Variants in NLRP12 observed in about 807,000 individuals in gnomAD.
NLRP12 encodes NLR family pyrin domain containing 12.
Under a neutral mutation model 91.2 loss-of-function variants are expected in NLRP12, and 108 were observed. The ratio of observed to expected loss-of-function variants is 1.18; its 90% CI spans 1.01 to 1.39. The LOEUF (loss-of-function observed/expected upper bound fraction) is 1.39, where lower values mean the gene tolerates loss of function less well. Ranked by LOEUF, NLRP12 falls within the 40% of genes most tolerant of loss-of-function variation. NLRP12 has a pLI of 0.00. For synonymous variants in NLRP12, 613 were observed against 566.7 expected, an observed-to-expected ratio of 1.08 and a Z score of -1.16; for missense variants, 1,530 against 1,352.7, an observed-to-expected ratio of 1.13 and a Z score of -2.06.
chr19:53,795,334 C>T (rs1453692484), intron 9 of NLRP12, among the ~76,000 whole-genome samples: 2 of 151,766 alleles, frequency 1.3e-5, no homozygotes, highest in Non-Finnish European at 2.9e-5. Flanking sequence ...CAGTGACCTC[C>T]AATGCAATTG....
intron 3 of NLRP12, 121 bp from the exon 4 acceptor site, chr19:53,807,786 T>C (rs1482344497): frequency 1.7e-6 from 2 of 1,205,456 alleles, no homozygotes; most frequent in East Asian, 2.5e-5. Flanking sequence ...GTTTCGCTCT[T>C]GTTGCCCAGG....
chr19:53,793,915 C>T lies in NLRP12; in HGVS notation c.*134G>A. On this transcript the variant is annotated 3_prime_UTR_variant, in exon 10 of 10. Coordinates refer to ENST00000324134, the MANE Select transcript of NLRP12 (RefSeq NM_144687.4). ...TGTCAAACATTAATTTGATCCCAAG[C>T]AGAGGGACTTTTGATCTCAATCTGC... 1.3e-6 allele frequency: 1 copy of T among 752,250 alleles called. No homozygotes were observed. 46.6% of individuals were successfully genotyped at this position (752,250 alleles called of 1,614,324 possible).
chr19:53,797,052 G>T (rs1191324719), intron 8 of NLRP12, among the ~76,000 whole-genome samples: 1 of 151,984 alleles, frequency 6.6e-6, no homozygotes, highest in Non-Finnish European at 1.5e-5. Context: ...TCAGATTAGG[G>T]CTACAGCTGG....
chr19:53,808,503 G>A (rs1372954331), intron 3 of NLRP12: 5 of 151,834 alleles, frequency 3.3e-5, no homozygotes, highest in African/African-American at 9.7e-5. Flanking sequence ...GAGGCCGAGA[G>A]TTTGAGACCA....
chr19:53,813,812 T>TG (rs2092117327), intron 2 of NLRP12, among the ~76,000 whole-genome samples: 2 of 151,930 alleles, frequency 1.3e-5, no homozygotes, highest in South Asian at 4.2e-4. Flanking sequence ...CTCAGCCTCC[T>TG]GAGTAGCTGG....
intron 1 of NLRP12, among the ~76,000 whole-genome samples, chr19:53,815,756 G>A (rs1479645885): frequency 6.6e-6 from 1 of 151,772 alleles, no homozygotes; most frequent in Non-Finnish European, 1.5e-5. Context: ...CTACAGGCAT[G>A]TGTCACCACG....
chr19:53,795,770 T>A, intron 9 of NLRP12, 89 bp downstream of exon 9: 5 of 1,158,784 alleles, frequency 4.3e-6, no homozygotes, highest in Non-Finnish European at 5.1e-6. Flanking sequence ...CACCAGTGCA[T>A]AACGTATTTG....
chr19:53,823,100 C>CATATACACACACATATATATACACAT (rs2092282621), intron 1 of NLRP12, among the ~76,000 whole-genome samples: 1 of 4,714 alleles, frequency 2.1e-4, no homozygotes, highest in Non-Finnish European at 9.5e-4. Flanking sequence ...TACACACACA[C>CATATACACACACATATATATACACAT]ATATACACAC....
Position 53,804,032 on chromosome 19 carries a change from T to G in NLRP12, c.2505A>C (p.Thr835=). The change falls in exon 6 of 10, where the codon ACA becomes ACC. Residue 835 remains threonine (T), a synonymous_variant. Transcript: ENST00000324134. ...GGCCCAAATCCTCCAGTGCATTTCC[T>G]GTCAGGTCCAACTCAACCAGATGTG... is the stretch of plus-strand genomic sequence containing the variant. The part of the protein sequence containing the change: ...TNPHLVELDL[T]GNALEDLGLR... 17 of 1,614,134 alleles carry G rather than the reference T, an allele frequency of 1.1e-5. No homozygotes were observed. The highest frequency in any genetic ancestry group is 1.4e-5 in the Non-Finnish European group (17 of 1,180,014).
rs1389462254 is a variant in NLRP12, at chr19:53,804,119, C to T, written c.2418G>A (p.Leu806=). 3.1e-6 allele frequency: 5 copies of T among 1,613,912 alleles called. No individual in the cohort carries two copies. The highest frequency in any genetic ancestry group is 2.2e-5 in the East Asian group (1 of 44,872). The stretch of plus-strand genomic sequence containing the variant: ...CCCCGGACTCCAGCTGACACTTCCT[C>T]AACCTTGGGAGGAAGGAGAGGTTGA... ...HPQCRLQMIQ[L]RKCQLESGAC... is the part of the protein sequence containing the mutation. The change falls in exon 6 of 10, where the codon TTG becomes TTA. Residue 806 remains leucine, a synonymous_variant. Coordinates refer to ENST00000324134, the MANE Select transcript of NLRP12 (RefSeq NM_144687.4).
chr19:53,804,953 G>A (rs1016452437), intron 5 of NLRP12, among the ~76,000 whole-genome samples: 8 of 151,972 alleles, frequency 5.3e-5, no homozygotes, highest in Non-Finnish European at 7.4e-5. Context: ...TCACTTGAAC[G>A]CAGGAAGTGG....
chr19:53,803,030 T>C (rs1447769259), intron 6 of NLRP12, among the ~76,000 whole-genome samples: 2 of 152,126 alleles, frequency 1.3e-5, no homozygotes, highest in Non-Finnish European at 2.9e-5. Context: ...ATTACAGCTG[T>C]GAGCCACCGC....
chr19:53,794,862 C>T (rs1320705039), intron 9 of NLRP12, among the ~76,000 whole-genome samples: 1 of 151,706 alleles, frequency 6.6e-6, no homozygotes, highest in African/African-American at 2.4e-5. Context: ...CGCTCCCAGC[C>T]GTAAGTTTTT....
At position 53,809,780 on chromosome 19, in the gene NLRP12, G is replaced by C; in HGVS notation, c.1879C>G (p.Gln627Glu). 6.2e-7 allele frequency: 1 copy of C among 1,614,110 alleles called. No homozygotes were observed. Among genetic ancestry groups the C allele is most frequent in the African/African-American group, 1.3e-5 (1 of 75,046 alleles). Residue 627 changes from glutamine (Q) to glutamate (E), a missense_variant, in exon 3 of 10, where the codon CAG (glutamine) becomes GAG (glutamate). Coordinates refer to ENST00000324134, the MANE Select transcript of NLRP12 (RefSeq NM_144687.4). ...LYEIQEEEFI[Q>E]QALSHFQVIV... The stretch of plus-strand genomic sequence containing the variant: ...ACCTGGAAGTGGCTCAGGGCCTGCT[G>C]GATAAACTCCTCCTCCTGGATCTCG...
chr19:53,805,187 A>C (rs2091937615), intron 5 of NLRP12, 93 bp downstream of exon 5: 1 of 1,338,864 alleles, frequency 7.5e-7, no homozygotes, highest in Non-Finnish European at 1.1e-6. Flanking sequence ...CCTGATTTAA[A>C]GGTGGAGATT....
At chr19:53,808,851 G>A (rs889163) in intron 3 of NLRP12, 122,692 of 151,984 alleles carry the variant, frequency 0.81, 49,552 homozygotes, top group Admixed American at 0.84. Flanking sequence ...CAGCATTCCC[G>A]GCCTTTATCC....
Position 53,810,644 on chromosome 19 carries a change from G to A in NLRP12, c.1015C>T (p.Leu339Phe), listed in dbSNP as rs761841518. 3.7e-6 allele frequency: 6 copies of A among 1,614,058 alleles called. No homozygotes were observed. Among genetic ancestry groups the A allele is most frequent in the Non-Finnish European group, 5.1e-6 (6 of 1,180,016 alleles). Residue 339 changes from leucine (L) to phenylalanine (F), a missense_variant, in exon 3 of 10, where the codon CTC (leucine) becomes TTC (phenylalanine). Transcript: ENST00000324134. ...RKKLLPELSLLITTRPTALEK... is the reference protein window; with the variant it reads ...RKKLLPELSLFITTRPTALEK... ...AAAGCCGTGGGCCGTGTGGTGATGAGCAAAGATAGCTCAGGGAGCAGCTTC... is the reference window on the plus strand; with the variant it reads ...AAAGCCGTGGGCCGTGTGGTGATGAACAAAGATAGCTCAGGGAGCAGCTTC...
chr19:53,811,407 A>T, intron 2 of NLRP12, 119 bp from the exon 3 acceptor site: 1 of 1,163,726 alleles, frequency 8.6e-7, no homozygotes, highest in Non-Finnish European at 1.3e-6. Context: ...CCAGCTACTC[A>T]GGAGGCTGAG....
chr19:53,819,437 ATATATATATATATATATATATGTGTGTG>A (rs1378909724), intron 1 of NLRP12, among the ~76,000 whole-genome samples: 1 of 22,930 alleles, frequency 4.4e-5, no homozygotes, highest in African/African-American at 1.4e-4. Flanking sequence ...ATATATATAT[ATATATATATATATATATATATGTGTGTG>A]TGTGTGTGTG....
Sources: gnomAD v4.1 joint callset for allele counts (sites outside exome capture counted in the v4.1 genomes callset) on GRCh38, gnomAD v4.1.1 for gene constraint, MANE v1.5 for transcripts, NCBI Gene and HGNC (gene_info 2026-07-23, HGNC 2026-07-21) for gene names.